Variants in DCLK2 observed in about 807,000 individuals in gnomAD.
DCLK2 encodes the protein serine/threonine-protein kinase DCLK2.
A neutral mutation model predicts 78.4 loss-of-function variants in DCLK2; 31 were observed. The ratio of observed to expected loss-of-function variants is 0.40; its 90% CI spans 0.30 to 0.53. The LOEUF is 0.53. DCLK2 is among the 20% of genes least tolerant of loss of function. The probability of loss-of-function intolerance (pLI) is 0.61; values close to 1 mark genes in which losing one functional copy is unlikely to be tolerated. For synonymous variants in DCLK2, 407 were observed against 374.9 expected, an observed-to-expected ratio of 1.09 and a Z score of -0.99; for missense variants, 872 against 973.7, an observed-to-expected ratio of 0.90 and a Z score of 1.39.
At chr4:150,115,356 A>G (rs1732000773) in intron 2 of DCLK2, among the ~76,000 whole-genome samples, 1 of 151,844 alleles carries the variant, frequency 6.6e-6, no homozygotes, top group Non-Finnish European at 1.5e-5. Context: ...TGAATTCTTT[A>G]TCTAGTATTT....
At chr4:150,104,698 G>A (rs1298547694) in intron 2 of DCLK2, among the ~76,000 whole-genome samples, 1 of 151,820 alleles carries the variant, frequency 6.6e-6, no homozygotes, top group Non-Finnish European at 1.5e-5. Flanking sequence ...AACAGATGTT[G>A]CAAAGGCCTT....
chr4:150,245,373 T>G (rs1185980956), intron 12 of DCLK2, among the ~76,000 whole-genome samples: 1 of 152,174 alleles, frequency 6.6e-6, no homozygotes, highest in Non-Finnish European at 1.5e-5. Flanking sequence ...TGCTTTTTTT[T>G]GTTGTTTTTA....
chr4:150,111,031 C>A (rs1731653880), intron 2 of DCLK2, among the ~76,000 whole-genome samples: 1 of 152,102 alleles, frequency 6.6e-6, no homozygotes, highest in Admixed American at 6.6e-5. Context: ...AATGGTAGAT[C>A]TACTTTTAGT....
At position 150,121,381 on chromosome 4, in the gene DCLK2, G is replaced by T. The variant is rs549213882; in HGVS notation, c.756+18569G>T. On this transcript the variant is annotated intron_variant, in intron 2 of 15. Transcript: ENST00000296550. The stretch of plus-strand genomic sequence containing the variant: ...ACAATGTTCATGGCATCTATTCCAG[G>T]AGTAGATTCCACCTCAAGGCCACTT... Among the ~76,000 whole-genome samples the T allele has an allele frequency of 4.2e-3, 642 of 152,272 alleles. 5 individuals carry two copies. Among genetic ancestry groups the T allele is most frequent in the African/African-American group, 0.015 (625 of 41,552 alleles).
intron 7 of DCLK2, among the ~76,000 whole-genome samples, chr4:150,222,222 T>C (rs1202006408): frequency 6.6e-6 from 1 of 152,084 alleles, no homozygotes; most frequent in African/African-American, 2.4e-5. Context: ...ACTGAAGTGC[T>C]GGAATTACAG....
chr4:150,095,843 G>A (rs967738550), intron 1 of DCLK2, among the ~76,000 whole-genome samples: 15 of 152,322 alleles, frequency 9.8e-5, no homozygotes, highest in African/African-American at 3.6e-4. Flanking sequence ...GAGAGAGGAG[G>A]AAGGTTATTT....
At chr4:150,218,114 C>T (rs189421545) in intron 5 of DCLK2, among the ~76,000 whole-genome samples, 183 of 148,686 alleles carry the variant, frequency 1.2e-3, no homozygotes, top group Admixed American at 1.9e-3. Flanking sequence ...AACGAGGCCC[C>T]CTGTTCCTTC....
At chr4:150,116,547 A>G (rs1256280284) in intron 2 of DCLK2, among the ~76,000 whole-genome samples, 2 of 152,190 alleles carry the variant, frequency 1.3e-5, no homozygotes, top group Admixed American at 6.5e-5. Flanking sequence ...CTAGCTACCC[A>G]GTGGGTACTC....
chr4:150,241,476 A>G (rs1405311525), intron 12 of DCLK2, among the ~76,000 whole-genome samples: 2 of 152,106 alleles, frequency 1.3e-5, no homozygotes, highest in African/African-American at 4.8e-5. Context: ...TTTTCTTCTG[A>G]GTTTTCTTGA....
At chr4:150,195,876 A>C (rs551314147) in intron 3 of DCLK2, among the ~76,000 whole-genome samples, 10 of 152,198 alleles carry the variant, frequency 6.6e-5, no homozygotes, top group African/African-American at 1.9e-4. Flanking sequence ...CAAATGCATT[A>C]TAATATAATA....
chr4:150,201,618 A>G (rs546612796), intron 4 of DCLK2, among the ~76,000 whole-genome samples: 1 of 152,298 alleles, frequency 6.6e-6, no homozygotes, highest in South Asian at 2.1e-4. Context: ...ATGTATAAGG[A>G]GACTGATCTA....
intron 5 of DCLK2, chr4:150,209,907 T>A (rs1479646094): frequency 6.6e-6 from 1 of 152,216 alleles, no homozygotes; most frequent in African/African-American, 2.4e-5. Context: ...AAACCCCATC[T>A]CTACTAAAAA....
At chr4:150,158,766 C>T (rs2150240597) in intron 2 of DCLK2, among the ~76,000 whole-genome samples, 2 of 152,098 alleles carry the variant, frequency 1.3e-5, no homozygotes, top group South Asian at 4.2e-4. Flanking sequence ...GGAAAGGTGG[C>T]ATTTGTTGGA....
At chr4:150,234,190 T>C (rs969919519) in intron 10 of DCLK2, among the ~76,000 whole-genome samples, 1 of 152,224 alleles carries the variant, frequency 6.6e-6, no homozygotes, top group Non-Finnish European at 1.5e-5. Flanking sequence ...CCATTCATCT[T>C]GTAATACATT....
chr4:150,218,054 T>TCG (rs1039536515), intron 5 of DCLK2, among the ~76,000 whole-genome samples: 1 of 149,776 alleles, frequency 6.7e-6, no homozygotes, highest in African/African-American at 2.5e-5. Flanking sequence ...GCTCTCACTC[T>TCG]CGCTCTCTCT....
chr4:150,256,572 C>A lies in DCLK2; in HGVS notation c.*325C>A, dbSNP rs1744584536. ...CACCAGGAGAATGTGCAACTTTATT[C>A]CAGCATTCGATGCATTTTTATAGAA... On this transcript the variant is annotated 3_prime_UTR_variant, in exon 16 of 16. Coordinates refer to ENST00000296550, the MANE Select transcript of DCLK2 (RefSeq NM_001040260.4). The A allele has an allele frequency of 3.2e-6, 1 of 313,482 alleles. No homozygotes were observed. Among genetic ancestry groups the A allele is most frequent in the Non-Finnish European group, 5.8e-6 (1 of 172,540 alleles). The allele number at this position is 313,482 out of a possible 1,614,324, so 19.4% of individuals were successfully genotyped here. A position where few individuals can be genotyped will look rare whatever the true frequency, so the allele number is the denominator to read the frequency against.
chr4:150,102,471 T>G lies in DCLK2; in HGVS notation c.422-7T>G, dbSNP rs1222090609. The G allele has an allele frequency of 2.5e-6, 4 of 1,605,358 alleles. No homozygotes were observed. The highest frequency in any genetic ancestry group is 2.6e-6 in the Non-Finnish European group (3 of 1,175,114). ...TCATGCTAATAAAATCAAATTTTGC[T>G]TTTTAGGTGAGAGTTACGTGTGTGC... On this transcript the variant is annotated splice_region_variant and splice_polypyrimidine_tract_variant and intron_variant, in intron 1 of 15. Coordinates refer to ENST00000296550, the MANE Select transcript of DCLK2 (RefSeq NM_001040260.4).
chr4:150,167,072 C>T (rs1229800148), intron 2 of DCLK2, among the ~76,000 whole-genome samples: 2 of 151,996 alleles, frequency 1.3e-5, no homozygotes, highest in Admixed American at 6.6e-5. Context: ...CTTTGATATT[C>T]AGGAGATAAA....
At chr4:150,106,229 C>T (rs989576064) in intron 2 of DCLK2, among the ~76,000 whole-genome samples, 6 of 152,050 alleles carry the variant, frequency 3.9e-5, no homozygotes, top group Admixed American at 6.5e-5. Flanking sequence ...TAGGTGAACT[C>T]GCTAATCTTC....
Sources: allele counts gnomAD v4.1 joint callset (sites outside exome capture counted in the v4.1 genomes callset), GRCh38; gene constraint gnomAD v4.1.1; transcripts MANE v1.5; gene names NCBI Gene and HGNC (gene_info 2026-07-23, HGNC 2026-07-21).